Variants in PCDHGB3 observed in about 807,000 individuals in gnomAD.
The protein encoded by PCDHGB3 is protocadherin gamma-B3.
A neutral mutation model predicts 59.2 loss-of-function variants in PCDHGB3; 40 were observed. That is an observed-to-expected ratio of 0.68 (90% CI 0.52 to 0.88). PCDHGB3 has a LOEUF of 0.88. Ranked by LOEUF, PCDHGB3 falls within the 40% of genes least tolerant of loss-of-function variation. The pLI, the probability that PCDHGB3 is intolerant of heterozygous loss-of-function variation, is 0.00. For synonymous variants in PCDHGB3, 581 were observed against 503.6 expected, an observed-to-expected ratio of 1.15 and a Z score of -2.06; for missense variants, 1,309 against 1,187.9, an observed-to-expected ratio of 1.10 and a Z score of -1.50.
chr5:141,404,242 G>A (rs372976589), intron 1 of PCDHGB3: 30 of 1,613,344 alleles, frequency 1.9e-5, no homozygotes, highest in Non-Finnish European at 2.4e-5. Flanking sequence ...GAGGAACTCC[G>A]CCCCTGTCCA....
chr5:141,490,951 T>G lies in PCDHGB3; in HGVS notation c.2416-3856T>G, dbSNP rs778168052. On this transcript the variant is annotated intron_variant, in intron 1 of 3. Transcript: ENST00000576222. The surrounding 1 kb of genome is among the most constrained non-coding windows in gnomAD (Gnocchi z 5.4). ...AGCTGTGCTGCACCCACGGCCAGACTGGGAACACTCAGCCCCCCAGCGTCT... is the reference window on the plus strand; with the variant it reads ...AGCTGTGCTGCACCCACGGCCAGACGGGGAACACTCAGCCCCCCAGCGTCT... The G allele has an allele frequency of 6.2e-7, 1 of 1,613,638 alleles. No individual in the cohort carries two copies. The highest frequency in any genetic ancestry group is 1.3e-5 in the African/African-American group (1 of 74,900).
chr5:141,384,221 AG>A, intron 1 of PCDHGB3: 1 of 1,613,936 alleles, frequency 6.2e-7, no homozygotes. Flanking sequence ...ATATTCATGC[AG>A]GTGGCAGACA....
intron 1 of PCDHGB3, chr5:141,376,224 T>A: frequency 6.2e-7 from 1 of 1,614,156 alleles, no homozygotes; most frequent in Admixed American, 1.7e-5. Flanking sequence ...CTGCTGGCGC[T>A]CAGACTGCAG....
chr5:141,404,738 A>C (rs1361110725), intron 1 of PCDHGB3: 24 of 1,613,674 alleles, frequency 1.5e-5, no homozygotes, highest in Non-Finnish European at 1.9e-5. Flanking sequence ...GGCAGTGGAC[A>C]GAGACTCAGG....
chr5:141,421,220 A>G (rs1178268746), intron 1 of PCDHGB3: 2 of 1,575,620 alleles, frequency 1.3e-6, no homozygotes, highest in Non-Finnish European at 1.7e-6. Flanking sequence ...ATCGGCTTAG[A>G]GCCTGCCATG....
At chr5:141,488,159 C>T (rs888153570) in intron 1 of PCDHGB3, among the ~76,000 whole-genome samples, 1 of 152,126 alleles carries the variant, frequency 6.6e-6, no homozygotes, top group Non-Finnish European at 1.5e-5. Flanking sequence ...GAGAGGCACG[C>T]ATCAGAGTGG....
Position 141,431,033 on chromosome 5 carries a change from C to G in PCDHGB3, c.2415+58224C>G, listed in dbSNP as rs1006751011. ...CTTGGTCACGGCGGGCAGGATAGAC[C>G]GGGAGGAGCTCTGTATGGGGGCCAT... On this transcript the variant is annotated intron_variant, in intron 1 of 3. Coordinates refer to ENST00000576222, the MANE Select transcript of PCDHGB3 (RefSeq NM_018924.5). This position sits in a 1 kb window ranked among gnomAD's most constrained non-coding sequence, Gnocchi z 4.8. 1.2e-6 allele frequency: 2 copies of G among 1,613,980 alleles called. No individual in the cohort carries two copies. Among genetic ancestry groups the G allele is most frequent in the Admixed American group, 3.3e-5 (2 of 60,024 alleles).
chr5:141,459,025 A>C (rs2098959135), intron 1 of PCDHGB3, among the ~76,000 whole-genome samples: 1 of 152,336 alleles, frequency 6.6e-6, no homozygotes, highest in Non-Finnish European at 1.5e-5. Flanking sequence ...GAGCCACCAC[A>C]TCCAGCCTTA....
At chr5:141,398,544 G>A (rs1002395942) in intron 1 of PCDHGB3, 1 of 1,613,852 alleles carries the variant, frequency 6.2e-7, no homozygotes, top group Non-Finnish European at 8.5e-7. Flanking sequence ...ATTCCTTTGA[G>A]CTGCAAATAA....
chr5:141,393,477 C>T (rs1561642767), intron 1 of PCDHGB3: 1 of 1,614,040 alleles, frequency 6.2e-7, no homozygotes, highest in African/African-American at 1.3e-5. Context: ...CAAGCCGCCT[C>T]GCTCTAGCAC....
chr5:141,448,806 G>A (rs1412164815), intron 1 of PCDHGB3, among the ~76,000 whole-genome samples: 1 of 152,008 alleles, frequency 6.6e-6, no homozygotes, highest in Admixed American at 6.5e-5. Context: ...TTAGCCAGGC[G>A]TGATGGCGGG....
intron 1 of PCDHGB3, chr5:141,405,392 T>C: frequency 6.3e-7 from 1 of 1,596,104 alleles, no homozygotes; most frequent in Non-Finnish European, 8.5e-7. Flanking sequence ...TTCATTTTTT[T>C]TCTTTCTTTC....
chr5:141,455,406 C>A (rs991797932), intron 1 of PCDHGB3, among the ~76,000 whole-genome samples: 1 of 152,108 alleles, frequency 6.6e-6, no homozygotes, highest in Non-Finnish European at 1.5e-5. Flanking sequence ...CTTACAGAGA[C>A]AGAGGGAGCG....
At position 141,410,750 on chromosome 5, in the gene PCDHGB3, A is replaced by G. The variant is rs1256862831; in HGVS notation, c.2415+37941A>G. Reference sequence around the variant, plus strand: ...CATAGCTTTTTACAATATTTTCTCAATGTTTTTTCAATTATAGTTTTCACT... The same window carrying G: ...CATAGCTTTTTACAATATTTTCTCAGTGTTTTTTCAATTATAGTTTTCACT... On this transcript the variant is annotated intron_variant, in intron 1 of 3. Coordinates refer to ENST00000576222, the MANE Select transcript of PCDHGB3 (RefSeq NM_018924.5). 23 of 1,243,022 alleles carry G rather than the reference A, an allele frequency of 1.9e-5. No homozygotes were observed. The East Asian group carries it at 4.4e-4, about 24-fold the overall frequency. 77.0% of individuals were successfully genotyped at this position (1,243,022 alleles called of 1,614,324 possible). A position where few individuals can be genotyped will look rare whatever the true frequency, so the allele number is the denominator to read the frequency against.
chr5:141,451,163 G>A (rs2098709493), intron 1 of PCDHGB3, among the ~76,000 whole-genome samples: 1 of 152,086 alleles, frequency 6.6e-6, no homozygotes, highest in African/African-American at 2.4e-5. Flanking sequence ...TTTTTTGGTA[G>A]TATATTATTT....
intron 1 of PCDHGB3, chr5:141,418,637 T>C: frequency 6.2e-7 from 1 of 1,613,998 alleles, no homozygotes; most frequent in Non-Finnish European, 8.5e-7. Context: ...TCCAGGCACC[T>C]CCATCCTGAG....
intron 1 of PCDHGB3, chr5:141,393,241 A>C (rs377394191): frequency 1.8e-4 from 292 of 1,613,684 alleles, no homozygotes; most frequent in Non-Finnish European, 2.3e-4. Context: ...GTAAAAATTA[A>C]CGAAATCGCG....
chr5:141,414,457 G>A (rs1319960665), intron 1 of PCDHGB3: 7 of 1,613,872 alleles, frequency 4.3e-6, no homozygotes, highest in Non-Finnish European at 5.9e-6. Flanking sequence ...CACAGTGACA[G>A]CCACAGATGG....
intron 2 of PCDHGB3, among the ~76,000 whole-genome samples, chr5:141,497,213 G>A (rs1313220474): frequency 6.6e-6 from 1 of 152,126 alleles, no homozygotes; most frequent in Non-Finnish European, 1.5e-5. Flanking sequence ...GTGTAATGGG[G>A]GGGGGAAGAT....
Sources: gnomAD v4.1 joint callset for allele counts (sites outside exome capture counted in the v4.1 genomes callset) on GRCh38, gnomAD v4.1.1 for gene constraint, Gnocchi (gnomAD v3.1) non-coding constraint, MANE v1.5 for transcripts, NCBI Gene and HGNC (gene_info 2026-07-23, HGNC 2026-07-21) for gene names.